The following SUN1 variants were observed in gnomAD, a reference collection of about 807,000 sequenced individuals.
SUN1 encodes the protein SUN domain-containing protein 1.
Under a neutral mutation model 103.2 loss-of-function variants are expected in SUN1, and 61 were observed. The ratio of observed to expected loss-of-function variants is 0.59; its 90% CI spans 0.48 to 0.73. The LOEUF (loss-of-function observed/expected upper bound fraction) is 0.73, where lower values mean the gene tolerates loss of function less well. SUN1 is among the 30% of genes least tolerant of loss of function. The pLI is 0.00. For synonymous variants in SUN1, 490 were observed against 425.7 expected, an observed-to-expected ratio of 1.15 and a Z score of -1.86; for missense variants, 1,052 against 1,034.6, an observed-to-expected ratio of 1.02 and a Z score of -0.23.
At chr7:858,133 C>T (rs1829231864) in intron 13 of SUN1, among the ~76,000 whole-genome samples, 176 bp downstream of exon 13, 1 of 152,190 alleles carries the variant, frequency 6.6e-6, no homozygotes, top group African/African-American at 2.4e-5. Flanking sequence ...TCACTGCAGG[C>T]CACCTCCACC....
At chr7:840,334 A>T (rs1288284123) in intron 2 of SUN1, among the ~76,000 whole-genome samples, 1 of 152,246 alleles carries the variant, frequency 6.6e-6, no homozygotes, top group Non-Finnish European at 1.5e-5. Context: ...TCAAGCACCC[A>T]GTTACCAGGG....
At chr7:857,089 C>T (rs546355337) in intron 12 of SUN1, among the ~76,000 whole-genome samples, 2 of 152,278 alleles carry the variant, frequency 1.3e-5, no homozygotes, top group African/African-American at 4.8e-5. Flanking sequence ...ACAGGTGTTC[C>T]CAACATGGCA....
At chr7:842,160 G>T (rs780135142) in intron 3 of SUN1, 30 bp downstream of exon 3, 4 of 1,600,394 alleles carry the variant, frequency 2.5e-6, no homozygotes, top group Non-Finnish European at 3.4e-6. Context: ...AGATTGTCCC[G>T]CCTACAGTTG....
rs190205707 is a variant in SUN1 at position 825,537 on chromosome 7, A to G, written c.-74+8864A>G. Among the ~76,000 whole-genome samples the G allele has an allele frequency of 5.2e-4, 79 of 152,344 alleles. 1 individual carries two copies. The highest frequency in any genetic ancestry group is 1.7e-3 in the African/African-American group (69 of 41,580). ...GTTCACTTGTGTGTATGCGTGTATA[A>G]AATATGTGGCATACAGCCCTTTCAA... On this transcript the variant is annotated intron_variant, in intron 1 of 17. Coordinates refer to the SUN1 transcript ENST00000389574.
chr7:846,015 G>A (rs922089294), intron 5 of SUN1, among the ~76,000 whole-genome samples: 2 of 152,138 alleles, frequency 1.3e-5, no homozygotes, highest in Admixed American at 1.3e-4. Flanking sequence ...TTCCTGAAAT[G>A]CCATCACGGT....
rs373407857 is a variant in SUN1, at chr7:852,831, A to G, written c.932A>G (p.Gln311Arg). The change falls in exon 9 of 19, where the codon CAG (glutamine) becomes CGG (arginine). Residue 311 changes from glutamine (Q) to arginine (R), a missense_variant. Gln to Arg is a conservative substitution (Grantham distance 43). This residue lies in a region of SUN1 where 846 missense variants were observed against 774.5 expected (regional missense o/e 1.09). Transcript: ENST00000401592. ...TTAGCAGGTCTCTCCTTACGGGGCC[A>G]GGGCAATTTCTTTTCGTTCTTGCCC... ...LLLAGLSLRGQGNFFSFLPVL... is the reference protein window; with the variant it reads ...LLLAGLSLRGRGNFFSFLPVL... The G allele has an allele frequency of 1.2e-6, 2 of 1,613,434 alleles. No homozygotes were observed. Among genetic ancestry groups the G allele is most frequent in the Admixed American group, 1.7e-5 (1 of 59,930 alleles).
At chr7:865,354 A>ACCGGCCTCGGCCTC (rs1835619358) in intron 15 of SUN1, among the ~76,000 whole-genome samples, 2 of 152,002 alleles carry the variant, frequency 1.3e-5, no homozygotes, top group African/African-American at 4.8e-5. Context: ...CAAGTGATCC[A>ACCGGCCTCGGCCTC]CCGGCCTCGG....
intron 16 of SUN1, 85 bp downstream of exon 16, chr7:866,152 G>C (rs1836341337): frequency 8.8e-7 from 1 of 1,131,280 alleles, no homozygotes; most frequent in African/African-American, 1.5e-5. Flanking sequence ...CAGCTCCATG[G>C]AACTTCGTAA....
chr7:818,994 G>A (rs903659579), intron 1 of SUN1, among the ~76,000 whole-genome samples: 37 of 151,756 alleles, frequency 2.4e-4, no homozygotes, highest in African/African-American at 9.0e-4. Flanking sequence ...CTCCCGAATA[G>A]CTGGGATTAC....
rs1439404106 is a variant in SUN1, at chr7:833,944, T to G, written c.77+1343T>G. 2.0e-5 allele frequency among the ~76,000 whole-genome samples: 3 copies of G among 152,224 alleles called. No homozygotes were observed. In the East Asian group the frequency reaches 5.8e-4, roughly 29 times the overall value. ...TTTAAAATGCCTCTGTTTCTTTACC[T>G]TGGGAGAGCAACACTTAATTTCACT... On this transcript the variant is annotated intron_variant, in intron 1 of 18. Coordinates refer to ENST00000401592, the MANE Select transcript of SUN1 (RefSeq NM_001130965.3).
intron 1 of SUN1, among the ~76,000 whole-genome samples, chr7:818,388 G>C (rs761844962): frequency 1.3e-5 from 2 of 152,084 alleles, no homozygotes; most frequent in East Asian, 3.9e-4. Flanking sequence ...TTTTATGACT[G>C]AATAATTGTC....
At chr7:869,552 C>A in intron 17 of SUN1, 36 bp downstream of exon 17, 1 of 1,599,068 alleles carries the variant, frequency 6.3e-7, no homozygotes, top group South Asian at 1.1e-5. Context: ...CCTCCCACAC[C>A]TTCCTGGGAG....
chr7:863,806 G>GCT (rs1287307588), intron 15 of SUN1, among the ~76,000 whole-genome samples: 5 of 152,148 alleles, frequency 3.3e-5, no homozygotes, highest in Admixed American at 2.0e-4. Context: ...ATTTGGAGTA[G>GCT]CTCTCTCTCT....
At chr7:838,711 T>C in intron 1 of SUN1, 87 bp from the exon 2 acceptor site, 2 of 1,326,886 alleles carry the variant, frequency 1.5e-6, no homozygotes, top group Non-Finnish European at 2.0e-6. Flanking sequence ...CCACAGTACA[T>C]TGCACTTTCA....
intron 1 of SUN1, among the ~76,000 whole-genome samples, chr7:824,231 C>G (rs1244115358): frequency 6.6e-6 from 1 of 152,182 alleles, no homozygotes; most frequent in Non-Finnish European, 1.5e-5. Context: ...CTGAGAAACA[C>G]AAAAAGATGT....
intron 1 of SUN1, among the ~76,000 whole-genome samples, chr7:820,601 G>A (rs1325440021): frequency 6.6e-6 from 1 of 152,182 alleles, no homozygotes; most frequent in Admixed American, 6.5e-5. Context: ...GTATAGTGTT[G>A]AAGAGCAGTG....
Position 842,099 on chromosome 7 carries a change from T to C in SUN1, c.420T>C (p.Ile140=), listed in dbSNP as rs1215922828. 1.2e-6 allele frequency: 2 copies of C among 1,614,220 alleles called. No individual in the cohort carries two copies. Among genetic ancestry groups the C allele is most frequent in the Non-Finnish European group, 8.5e-7 (1 of 1,180,040 alleles). ...CTCCTGTATTGGACGAGTCTTGGAT[T>C]CGTGAACAGACCACAGTGGACCACT... The part of the protein sequence containing the change: ...RRPPVLDESW[I]REQTTVDHFW... Residue 140 remains isoleucine (I), a synonymous_variant, in exon 3 of 19, where the codon ATT becomes ATC. Coordinates refer to ENST00000401592, the MANE Select transcript of SUN1 (RefSeq NM_001130965.3).
intron 5 of SUN1, chr7:848,729 T>A: frequency 1.6e-6 from 1 of 642,872 alleles, no homozygotes. Context: ...GTGGTCTTGG[T>A]GCTGGCTCTC....
Position 843,195 on chromosome 7 carries a change from T to G in SUN1, c.452-11T>G, listed in dbSNP as rs756606707. On this transcript the variant is annotated splice_polypyrimidine_tract_variant and intron_variant, in intron 3 of 18. Coordinates refer to ENST00000401592, the MANE Select transcript of SUN1 (RefSeq NM_001130965.3). Reference sequence around the variant, plus strand: ...GCAAAAATGTGTGTGTGTGTGTGTTTTTTTTTTTAGGTCTTGATGATGATG... The same window carrying G: ...GCAAAAATGTGTGTGTGTGTGTGTTGTTTTTTTTAGGTCTTGATGATGATG... 1.2e-4 allele frequency: 192 copies of G among 1,604,110 alleles called. No individual in the cohort carries two copies. The highest frequency in any genetic ancestry group is 2.0e-4 in the East Asian group (9 of 44,844).
Sources: allele counts gnomAD v4.1 joint callset (sites outside exome capture counted in the v4.1 genomes callset), GRCh38; gene constraint gnomAD v4.1.1; regional missense constraint gnomAD v4.1.1; transcripts MANE v1.5; gene names NCBI Gene and HGNC (gene_info 2026-07-23, HGNC 2026-07-21).